FHAD1: variants seen among roughly 807,000 people sequenced by gnomAD.
FHAD1 encodes the protein forkhead associated phosphopeptide binding domain 1.
In FHAD1, 146 loss-of-function variants were observed where a neutral mutation model predicts 191.3. That is an observed-to-expected ratio of 0.76 (90% CI 0.67 to 0.88). FHAD1 has a LOEUF of 0.88. Ranked by LOEUF, FHAD1 falls within the 40% of genes least tolerant of loss-of-function variation. The pLI is 0.00. For missense variants in FHAD1, 1,635 were observed against 1,785.8 expected (o/e 0.92, Z 1.52); for synonymous variants, 616 against 672.3 (o/e 0.92, Z 1.29).
rs534884612 is a variant in FHAD1, at chr1:15,345,348, C to T, written c.2239-68C>T. 369 of 1,432,502 alleles carry T rather than the reference C, an allele frequency of 2.6e-4. 2 individuals carry two copies. The highest frequency in any genetic ancestry group is 2.4e-3 in the South Asian group (197 of 81,272). 88.7% of individuals were successfully genotyped at this position (1,432,502 alleles called of 1,614,324 possible). Reference sequence around the variant, plus strand: ...GTCTGGAGGGAAGAGGAAACCTGTGCGGTGCCTGGCAGAGTCCAGTTTCCT... The same window carrying T: ...GTCTGGAGGGAAGAGGAAACCTGTGTGGTGCCTGGCAGAGTCCAGTTTCCT... On this transcript the variant is annotated intron_variant, in intron 17 of 33. Transcript: ENST00000688493.
intron 4 of FHAD1, among the ~76,000 whole-genome samples, chr1:15,294,824 C>T (rs1009387586): frequency 2.0e-5 from 3 of 152,072 alleles, no homozygotes; most frequent in Non-Finnish European, 2.9e-5. Context: ...ACCTGAGGGG[C>T]AGAATCGCCC....
chr1:15,289,790 A>G lies in FHAD1; in HGVS notation c.568+124A>G. 7.2e-7 allele frequency: 1 copy of G among 1,381,296 alleles called. No homozygotes were observed. Among genetic ancestry groups the G allele is most frequent in the Non-Finnish European group, 9.5e-7 (1 of 1,047,152 alleles). The allele number at this position is 1,381,296 out of a possible 1,614,324, so 85.6% of individuals were successfully genotyped here. On this transcript the variant is annotated intron_variant, in intron 4 of 33. Coordinates refer to ENST00000688493, the MANE Select transcript of FHAD1 (RefSeq NM_001391957.1). The surrounding 1 kb of genome is among the most constrained non-coding windows in gnomAD (Gnocchi z 4.2). ...ATTCAATTGTAAAAAATGAAAATAA[A>G]TTCAGGATAAGCAGAAAGTAAGAAA... is the stretch of plus-strand genomic sequence containing the variant.
chr1:15,383,090 G>A (rs1701290362), intron 31 of FHAD1: 5 of 471,520 alleles, frequency 1.1e-5, no homozygotes, highest in East Asian at 6.9e-5. Flanking sequence ...TCAAATCCCC[G>A]CACTTATTAA....
At chr1:15,277,414 A>G (rs907298827) in intron 3 of FHAD1, among the ~76,000 whole-genome samples, 2 of 152,182 alleles carry the variant, frequency 1.3e-5, no homozygotes, top group African/African-American at 4.8e-5. Context: ...GCAGGAACAC[A>G]TTAACCACAG....
intron 4 of FHAD1, among the ~76,000 whole-genome samples, chr1:15,293,953 A>T (rs565525844): frequency 2.6e-5 from 4 of 152,260 alleles, no homozygotes; most frequent in Non-Finnish European, 4.4e-5. Flanking sequence ...TGAGGCCCTC[A>T]GATCTGCCTG....
At chr1:15,380,324 C>A (rs1471018240) in intron 28 of FHAD1, among the ~76,000 whole-genome samples, 1 of 152,134 alleles carries the variant, frequency 6.6e-6, no homozygotes, top group Non-Finnish European at 1.5e-5. Context: ...CTCTCTACCC[C>A]CTAGATGCTA....
intron 14 of FHAD1, among the ~76,000 whole-genome samples, chr1:15,336,734 C>G (rs1003414158): frequency 5.3e-5 from 8 of 152,228 alleles, no homozygotes; most frequent in African/African-American, 1.9e-4. Flanking sequence ...TCATTGCCAG[C>G]TTCTTGGCCT....
intron 1 of FHAD1, among the ~76,000 whole-genome samples, chr1:15,240,343 A>G (rs1306801477): frequency 1.1e-4 from 16 of 152,198 alleles, no homozygotes; most frequent in Admixed American, 1.0e-3. Flanking sequence ...TTGAAACTGG[A>G]TCCAGCCAGG....
chr1:15,305,737 C>T (rs773685896), intron 6 of FHAD1: 16 of 444,710 alleles, frequency 3.6e-5, no homozygotes, highest in Admixed American at 1.9e-4. Context: ...TTGCTTCTTC[C>T]GCATTTTCTC....
chr1:15,382,374 G>A (rs768045014), intron 31 of FHAD1, among the ~76,000 whole-genome samples, 181 bp downstream of exon 31: 16 of 152,190 alleles, frequency 1.1e-4, no homozygotes, highest in Admixed American at 2.6e-4. Context: ...TCAACCACTT[G>A]CTATGTGACC....
upstream of FHAD1, among the ~76,000 whole-genome samples, chr1:15,243,920 T>C (rs1645691508): frequency 6.6e-6 from 1 of 152,228 alleles, no homozygotes. Flanking sequence ...TTTCTAGCTG[T>C]GTGACTTTAG....
intron 26 of FHAD1, among the ~76,000 whole-genome samples, chr1:15,373,444 G>A (rs1698688280): frequency 6.6e-6 from 1 of 152,048 alleles, no homozygotes; most frequent in African/African-American, 2.4e-5. Context: ...CCCGGGAGGT[G>A]GAGGTTGCAG....
At chr1:15,353,704 CAAAAAAAAA>C (rs60518389) in intron 20 of FHAD1, among the ~76,000 whole-genome samples, 1 of 60,974 alleles carries the variant, frequency 1.6e-5, no homozygotes, top group African/African-American at 6.6e-5. Context: ...GACTCCATCT[CAAAAAAAAA>C]AAAAAAAAAA....
chr1:15,353,792 T>C (rs1691770289), intron 20 of FHAD1, among the ~76,000 whole-genome samples: 2 of 149,554 alleles, frequency 1.3e-5, no homozygotes, highest in South Asian at 2.1e-4. Flanking sequence ...CAGGCTGATA[T>C]CAGTTTTCCC....
intron 19 of FHAD1, among the ~76,000 whole-genome samples, chr1:15,350,144 G>A (rs1486588736): frequency 1.3e-5 from 2 of 152,208 alleles, no homozygotes; most frequent in South Asian, 2.1e-4. Flanking sequence ...TCCACCCACC[G>A]ATTTCAGTTT....
rs1232361855 is a variant in FHAD1, at chr1:15,259,220, C to T, written c.93+7343C>T. On this transcript the variant is annotated intron_variant, in intron 2 of 33. Coordinates refer to ENST00000688493, the MANE Select transcript of FHAD1 (RefSeq NM_001391957.1). ...CAGATAATACAAACGGCCACACCCC[C>T]ATGTATAGACTAGTTATGAGGCATC... is the stretch of plus-strand genomic sequence containing the variant. Among the ~76,000 whole-genome samples, 3 of 152,066 alleles carry T rather than the reference C, an allele frequency of 2.0e-5. No homozygotes were observed. In the East Asian group the frequency reaches 5.8e-4, roughly 29 times the overall value.
At chr1:15,305,037 C>T (rs1039007303) in intron 6 of FHAD1, among the ~76,000 whole-genome samples, 4 of 152,176 alleles carry the variant, frequency 2.6e-5, no homozygotes. Flanking sequence ...TCTTGCACTC[C>T]TCTTAATAAC....
chr1:15,345,665 T>C (rs781131100), intron 18 of FHAD1, 142 bp downstream of exon 18: 1 of 674,788 alleles, frequency 1.5e-6, no homozygotes, highest in South Asian at 1.8e-5. Context: ...TCAGCTACTT[T>C]GGGAAGCGTG....
chr1:15,316,291 T>C lies in FHAD1; in HGVS notation c.1171-87T>C. On this transcript the variant is annotated intron_variant, in intron 8 of 33. Coordinates refer to ENST00000688493, the MANE Select transcript of FHAD1 (RefSeq NM_001391957.1). This position sits in a 1 kb window ranked among gnomAD's most constrained non-coding sequence, Gnocchi z 4.3. The stretch of plus-strand genomic sequence containing the variant: ...AACAGCAGGAAATGCTCTCAGGGGC[T>C]CACATGGGGCCTTGGAGCCCCTCCT... The C allele has an allele frequency of 9.6e-7, 1 of 1,036,930 alleles. No homozygotes were observed. Among genetic ancestry groups the C allele is most frequent in the Non-Finnish European group, 1.4e-6 (1 of 690,570 alleles). The allele number at this position is 1,036,930 out of a possible 1,614,324, so 64.2% of individuals were successfully genotyped here. A position where few individuals can be genotyped will look rare whatever the true frequency, so the allele number is the denominator to read the frequency against.
Sources: gnomAD v4.1 joint callset for allele counts (sites outside exome capture counted in the v4.1 genomes callset) on GRCh38, gnomAD v4.1.1 for gene constraint, Gnocchi (gnomAD v3.1) non-coding constraint, MANE v1.5 for transcripts, NCBI Gene and HGNC (gene_info 2026-07-23, HGNC 2026-07-21) for gene names.